KDM4A: variants seen among roughly 807,000 people sequenced by gnomAD.
KDM4A encodes the protein lysine-specific demethylase 4A.
KDM4A carries 23 observed loss-of-function variants against 127.1 expected under a neutral mutation model. The ratio of observed to expected loss-of-function variants is 0.18; its 90% CI spans 0.13 to 0.26. The LOEUF is 0.26. Ranked by LOEUF, KDM4A falls within the 10% of genes least tolerant of loss-of-function variation. The probability of loss-of-function intolerance (pLI) is 1.00; values close to 1 mark genes in which losing one functional copy is unlikely to be tolerated. For missense variants in KDM4A, 890 were observed against 1,329.1 expected, an observed-to-expected ratio of 0.67 and a Z score of 5.14; for synonymous variants, 443 against 466.5, an observed-to-expected ratio of 0.95 and a Z score of 0.65.
rs931153370 is a variant in KDM4A at position 43,691,073 on chromosome 1, G to C, written c.2242+24G>C. 2.6e-5 allele frequency: 42 copies of C among 1,612,130 alleles called. No individual in the cohort carries two copies. The African/African-American group carries it at 3.7e-4, about 14-fold the overall frequency. ...CAGTGAGTGCTGCTCACCTTTCTCT[G>C]TGTCCTGTCCCAGGAGTATGGGCCT... On this transcript the variant is annotated intron_variant, in intron 14 of 21. Coordinates refer to ENST00000372396, the MANE Select transcript of KDM4A (RefSeq NM_014663.3).
intron 12 of KDM4A, among the ~76,000 whole-genome samples, chr1:43,684,374 G>A (rs1420794414): frequency 3.3e-5 from 5 of 152,154 alleles, no homozygotes; most frequent in African/African-American, 4.8e-5. Context: ...GTCATGGCAC[G>A]CGCCTGTAGT....
chr1:43,696,151 A>G lies in KDM4A; in HGVS notation c.2670+1257A>G, dbSNP rs150108519. On this transcript the variant is annotated intron_variant, in intron 18 of 21. Transcript: ENST00000372396. ...GGGAGAAGCAGGTAGCAGAGCATGA[A>G]CCAGTGAAAGCAGTTGAGAAAGTGA... 2.0e-5 allele frequency among the ~76,000 whole-genome samples: 3 copies of G among 152,282 alleles called. No homozygotes were observed. In the East Asian group the frequency reaches 5.8e-4, roughly 29 times the overall value.
intron 13 of KDM4A, among the ~76,000 whole-genome samples, chr1:43,689,469 A>G (rs966918944): frequency 1.3e-5 from 2 of 152,228 alleles, no homozygotes; most frequent in Non-Finnish European, 2.9e-5. Context: ...TCTGAACCTC[A>G]GCTGAAAAGC....
At chr1:43,660,534 T>C in intron 4 of KDM4A, 122 bp downstream of exon 4, 4 of 1,344,326 alleles carry the variant, frequency 3.0e-6, no homozygotes, top group Non-Finnish European at 4.0e-6. Context: ...ACAGATGATC[T>C]ACCCCCAGCT....
In KDM4A at chr1:43,694,947, C is replaced by A. The variant is rs1197306345; in HGVS notation, c.2670+53C>A. 1.6e-5 allele frequency: 24 copies of A among 1,493,144 alleles called. No individual in the cohort carries two copies. The highest frequency in any genetic ancestry group is 2.2e-5 in the Non-Finnish European group (24 of 1,094,082). The allele number at this position is 1,493,144 out of a possible 1,614,324, so 92.5% of individuals were successfully genotyped here. A position where few individuals can be genotyped will look rare whatever the true frequency, so the allele number is the denominator to read the frequency against. On this transcript the variant is annotated intron_variant, in intron 18 of 21. Coordinates refer to ENST00000372396, the MANE Select transcript of KDM4A (RefSeq NM_014663.3). This position sits in a 1 kb window ranked among gnomAD's most constrained non-coding sequence, Gnocchi z 5.2. Reference sequence around the variant, plus strand: ...TCTTGACAGTTTTCATGGTCATTTTCTCTGCATGTTTTCCATTTGTTGTAT... The same window carrying A: ...TCTTGACAGTTTTCATGGTCATTTTATCTGCATGTTTTCCATTTGTTGTAT...
At chr1:43,668,104 T>C (rs989027603) in intron 9 of KDM4A, 85 bp downstream of exon 9, 2 of 1,507,094 alleles carry the variant, frequency 1.3e-6, no homozygotes, top group Non-Finnish European at 1.8e-6. Flanking sequence ...CTGTTTCTTG[T>C]TTTTTTTGTT....
At chr1:43,683,455 C>T (rs59789537) in intron 11 of KDM4A, among the ~76,000 whole-genome samples, 1 of 152,226 alleles carries the variant, frequency 6.6e-6, no homozygotes, top group Admixed American at 6.5e-5. Context: ...CTAAGAAGGC[C>T]AAGAACTACA....
intron 5 of KDM4A, among the ~76,000 whole-genome samples, chr1:43,663,623 A>AT (rs11442176): frequency 0.19 from 27,335 of 146,274 alleles, 4,724 homozygotes; most frequent in African/African-American, 0.47. Context: ...GAGTCTCAGC[A>AT]TTTTTTTTTT....
At chr1:43,651,824 GTATT>G (rs1206421143) in intron 1 of KDM4A, among the ~76,000 whole-genome samples, 1 of 152,176 alleles carries the variant, frequency 6.6e-6, no homozygotes, top group African/African-American at 2.4e-5. Flanking sequence ...TAAAAACAAA[GTATT>G]TATTTTGCTT....
chr1:43,684,082 G>A (rs1306433911), intron 12 of KDM4A, among the ~76,000 whole-genome samples: 2 of 152,166 alleles, frequency 1.3e-5, no homozygotes, highest in Admixed American at 1.3e-4. Flanking sequence ...GATTTTTCAG[G>A]ACAGAAAATC....
chr1:43,672,363 A>G (rs1174293375), intron 11 of KDM4A, among the ~76,000 whole-genome samples: 5 of 149,508 alleles, frequency 3.3e-5, no homozygotes, highest in Admixed American at 1.3e-4. Context: ...TAATTTTTGT[A>G]TTTTTAGTAG....
intron 13 of KDM4A, 39 bp from the exon 14 acceptor site, chr1:43,690,806 A>G (rs781015439): frequency 6.3e-7 from 1 of 1,578,380 alleles, no homozygotes; most frequent in Non-Finnish European, 8.7e-7. Context: ...GAGCATAGGC[A>G]CGTGCTCACT....
chr1:43,700,958 C>G (rs1367957376), intron 19 of KDM4A, among the ~76,000 whole-genome samples: 5 of 149,716 alleles, frequency 3.3e-5, no homozygotes, highest in Admixed American at 2.7e-4. Flanking sequence ...GAGTCTCGCT[C>G]TGTCGCCAGG....
rs148504415 is a variant in KDM4A, at chr1:43,694,988, C to T, written c.2670+94C>T. 1 of 1,229,866 alleles carries T rather than the reference C, an allele frequency of 8.1e-7. No homozygotes were observed. Among genetic ancestry groups the T allele is most frequent in the Non-Finnish European group, 1.1e-6 (1 of 888,354 alleles). 76.2% of individuals were successfully genotyped at this position (1,229,866 alleles called of 1,614,324 possible). A position where few individuals can be genotyped will look rare whatever the true frequency, so the allele number is the denominator to read the frequency against. On this transcript the variant is annotated intron_variant, in intron 18 of 21. Transcript: ENST00000372396. This position sits in a 1 kb window ranked among gnomAD's most constrained non-coding sequence, Gnocchi z 5.2. ...TTTGTTGTATCAGCAACTATTTCCT[C>T]AAGCATTCTGCATTATGAAGAGTGC...
chr1:43,652,533 G>C (rs1174374686), intron 1 of KDM4A, among the ~76,000 whole-genome samples: 1 of 151,340 alleles, frequency 6.6e-6, no homozygotes, highest in Non-Finnish European at 1.5e-5. Flanking sequence ...AATTTTTTTT[G>C]AGACAGGGTC....
At chr1:43,684,850 C>A (rs1489548990) in intron 12 of KDM4A, among the ~76,000 whole-genome samples, 1 of 152,100 alleles carries the variant, frequency 6.6e-6, no homozygotes, top group Non-Finnish European at 1.5e-5. Context: ...AATGGTCTGC[C>A]TGCAATATGA....
Position 43,682,688 on chromosome 1 carries a change from T to C in KDM4A, c.1735-996T>C, listed in dbSNP as rs112064666. On this transcript the variant is annotated intron_variant, in intron 11 of 21. Coordinates refer to ENST00000372396, the MANE Select transcript of KDM4A (RefSeq NM_014663.3). ...TATGTTTGGAAGAGCAGGTTCTGTTTTTCCTGGACATGGCCTGTTCAGAAG... is the reference window on the plus strand; with the variant it reads ...TATGTTTGGAAGAGCAGGTTCTGTTCTTCCTGGACATGGCCTGTTCAGAAG... 8.6e-3 allele frequency among the ~76,000 whole-genome samples: 1,304 copies of C among 152,316 alleles called. 14 individuals carry two copies. Among genetic ancestry groups the C allele is most frequent in the African/African-American group, 0.03 (1,240 of 41,558 alleles).
chr1:43,703,242 A>C (rs547795342), intron 19 of KDM4A, among the ~76,000 whole-genome samples: 128 of 151,434 alleles, frequency 8.5e-4, no homozygotes, highest in Non-Finnish European at 4.7e-4. Flanking sequence ...GTGCCTGGCC[A>C]AAAAAAACAC....
chr1:43,656,225 G>A (rs1374010313), intron 3 of KDM4A, among the ~76,000 whole-genome samples: 1 of 151,652 alleles, frequency 6.6e-6, no homozygotes, highest in Non-Finnish European at 1.5e-5. Context: ...AAACCACCAA[G>A]CTGGTTGCTA....
Sources: allele counts gnomAD v4.1 joint callset (sites outside exome capture counted in the v4.1 genomes callset), GRCh38; gene constraint gnomAD v4.1.1; non-coding constraint Gnocchi (gnomAD v3.1); transcripts MANE v1.5; gene names NCBI Gene and HGNC (gene_info 2026-07-23, HGNC 2026-07-21).